ANO2: variants seen among roughly 807,000 people sequenced by gnomAD.
ANO2 encodes the protein anoctamin-2.
Under a neutral mutation model 124.2 loss-of-function variants are expected in ANO2, and 101 were observed. That is an observed-to-expected ratio of 0.81 (90% CI 0.69 to 0.96). The LOEUF (loss-of-function observed/expected upper bound fraction) is 0.96, where lower values mean the gene tolerates loss of function less well. Ranked by LOEUF, ANO2 falls within the 40% of genes least tolerant of loss-of-function variation. ANO2 has a pLI of 0.00. For missense variants in ANO2, 1,293 were observed against 1,274.5 expected, an observed-to-expected ratio of 1.01 and a Z score of -0.22; for synonymous variants, 486 against 482.5, an observed-to-expected ratio of 1.01 and a Z score of -0.09.
chr12:5,806,004 G>A (rs776299070), intron 9 of ANO2, 48 bp downstream of exon 9: 36 of 1,588,366 alleles, frequency 2.3e-5, no homozygotes, highest in South Asian at 2.0e-4. Context: ...ACACCCACCC[G>A]TAGTCTCGCA....
chr12:5,578,053 C>A, intron 21 of ANO2, 46 bp from the exon 22 acceptor site: 1 of 1,587,084 alleles, frequency 6.3e-7, no homozygotes, highest in Non-Finnish European at 8.6e-7. Context: ...CGCCCTCGGC[C>A]CAGTGATGAC....
intron 10 of ANO2, among the ~76,000 whole-genome samples, chr12:5,754,734 G>T (rs1480677426): frequency 6.6e-6 from 1 of 151,932 alleles, no homozygotes; most frequent in Non-Finnish European, 1.5e-5. Context: ...GTGTATAATT[G>T]TTCATAATAA....
intron 4 of ANO2, among the ~76,000 whole-genome samples, chr12:5,851,365 G>C (rs1000507118): frequency 1.3e-5 from 2 of 152,186 alleles, no homozygotes; most frequent in Admixed American, 6.5e-5. Context: ...TGGGAGTGAG[G>C]AGGAGAAGGT....
intron 9 of ANO2, among the ~76,000 whole-genome samples, chr12:5,802,669 C>T (rs1358065084): frequency 6.6e-6 from 1 of 152,208 alleles, no homozygotes; most frequent in East Asian, 1.9e-4. Context: ...AAAGCACAGA[C>T]ACGTAACAAT....
chr12:5,641,630 A>C (rs1209646007), intron 15 of ANO2, among the ~76,000 whole-genome samples: 1 of 152,218 alleles, frequency 6.6e-6, no homozygotes, highest in Non-Finnish European at 1.5e-5. Context: ...GGCTCTCCCC[A>C]TTCCCACCAC....
intron 3 of ANO2, among the ~76,000 whole-genome samples, chr12:5,871,671 A>G (rs911183530): frequency 6.6e-6 from 1 of 152,192 alleles, no homozygotes; most frequent in Non-Finnish European, 1.5e-5. Context: ...TCTCAAAACC[A>G]TCCCCCTACC....
chr12:5,751,956 A>C (rs1306471272), intron 10 of ANO2, among the ~76,000 whole-genome samples: 3 of 152,132 alleles, frequency 2.0e-5, no homozygotes, highest in African/African-American at 7.2e-5. Context: ...TAGATTCCTC[A>C]TAGAGGTGGG....
chr12:5,648,737 T>C (rs1565520273), intron 14 of ANO2, among the ~76,000 whole-genome samples: 3 of 152,200 alleles, frequency 2.0e-5, no homozygotes, highest in Non-Finnish European at 2.9e-5. Context: ...GGGAAGACCA[T>C]CTGAAGCCGT....
intron 7 of ANO2, among the ~76,000 whole-genome samples, chr12:5,811,244 C>T (rs1352868569): frequency 4.6e-5 from 7 of 152,194 alleles, no homozygotes; most frequent in Non-Finnish European, 1.0e-4. Context: ...GTGCTTTCAT[C>T]CCTGCACTCC....
intron 3 of ANO2, among the ~76,000 whole-genome samples, chr12:5,891,382 T>C (rs1259499525): frequency 2.6e-5 from 4 of 152,178 alleles, no homozygotes; most frequent in Non-Finnish European, 5.9e-5. Flanking sequence ...CTGTTGCTTT[T>C]TTCTCTGTGT....
chr12:5,732,443 C>T, intron 14 of ANO2, 77 bp downstream of exon 14: 1 of 1,289,338 alleles, frequency 7.8e-7, no homozygotes, highest in Non-Finnish European at 1.1e-6. Flanking sequence ...TCTCCCTTCA[C>T]TAAGGCGTGC....
At chr12:5,829,223 T>C (rs1389173651) in intron 6 of ANO2, among the ~76,000 whole-genome samples, 1 of 152,170 alleles carries the variant, frequency 6.6e-6, no homozygotes, top group Non-Finnish European at 1.5e-5. Flanking sequence ...TTACGAGTAC[T>C]TTGCAATTAT....
intron 10 of ANO2, among the ~76,000 whole-genome samples, chr12:5,775,370 G>A (rs550690556): frequency 2.0e-5 from 3 of 151,752 alleles, no homozygotes; most frequent in South Asian, 4.2e-4. Context: ...GCCCGTATGA[G>A]TCATGTTAAA....
intron 14 of ANO2, among the ~76,000 whole-genome samples, chr12:5,690,165 G>A (rs981068698): frequency 3.2e-4 from 48 of 152,086 alleles, no homozygotes; most frequent in African/African-American, 9.9e-4. Flanking sequence ...ATTCTCAACC[G>A]AGCTTATGGG....
At chr12:5,761,662 A>C (rs1951749215) in intron 10 of ANO2, among the ~76,000 whole-genome samples, 1 of 152,198 alleles carries the variant, frequency 6.6e-6, no homozygotes, top group South Asian at 2.1e-4. Flanking sequence ...TCCTTTTAAA[A>C]AGTTATTTTA....
At chr12:5,738,412 C>T (rs1289528924) in intron 13 of ANO2, among the ~76,000 whole-genome samples, 1 of 152,208 alleles carries the variant, frequency 6.6e-6, no homozygotes, top group African/African-American at 2.4e-5. Flanking sequence ...TGCAAGTGGA[C>T]TCAGGCAACT....
At chr12:5,820,557 G>A (rs1953758736) in intron 7 of ANO2, among the ~76,000 whole-genome samples, 1 of 152,188 alleles carries the variant, frequency 6.6e-6, no homozygotes, top group African/African-American at 2.4e-5. Flanking sequence ...TCGGCTCCCT[G>A]ACTGGTAGGG....
intron 20 of ANO2, among the ~76,000 whole-genome samples, chr12:5,592,939 C>T (rs575655963): frequency 2.0e-5 from 3 of 152,348 alleles, no homozygotes; most frequent in Admixed American, 2.0e-4. Flanking sequence ...AGAGCTTTAA[C>T]ATCTGGTCTC....
At chr12:5,844,841 G>GTTTA (rs1348710757) in intron 4 of ANO2, among the ~76,000 whole-genome samples, 2 of 146,810 alleles carry the variant, frequency 1.4e-5, no homozygotes, top group Non-Finnish European at 3.0e-5. Context: ...GTTTTTGTGT[G>GTTTA]TTTGTTTGTT....
Sources: gnomAD v4.1 joint callset for allele counts (sites outside exome capture counted in the v4.1 genomes callset) on GRCh38, gnomAD v4.1.1 for gene constraint, MANE v1.5 for transcripts, NCBI Gene and HGNC (gene_info 2026-07-23, HGNC 2026-07-21) for gene names.